The following COG6 variants were observed in gnomAD, a reference collection of about 807,000 sequenced individuals.
COG6 encodes component of oligomeric golgi complex 6.
In COG6, 74 loss-of-function variants were observed where a neutral mutation model predicts 88.8. The ratio of observed to expected loss-of-function variants is 0.83; its 90% CI spans 0.69 to 1.01. COG6 has a LOEUF of 1.01. COG6 is among the 50% of genes least tolerant of loss of function. The pLI is 0.00. For missense variants in COG6, 800 were observed against 797.9 expected, an observed-to-expected ratio of 1.00 and a Z score of -0.03; for synonymous variants, 286 against 278.7, an observed-to-expected ratio of 1.03 and a Z score of -0.26.
rs900604560 is a variant in COG6, at chr13:39,782,767, C to T, written c.1827-5568C>T. Among the ~76,000 whole-genome samples the T allele has an allele frequency of 3.3e-5, 5 of 152,180 alleles. 1 individual carries two copies. The highest frequency in any genetic ancestry group is 3.3e-4 in the Admixed American group (5 of 15,274). ...GCCTTCTTAGGGGCAGCACCTAGACCACGGTGCTCAGGGGGGAACAGCATG... is the reference window on the plus strand; with the variant it reads ...GCCTTCTTAGGGGCAGCACCTAGACTACGGTGCTCAGGGGGGAACAGCATG... On this transcript the variant is annotated intron_variant, in intron 18 of 18. Transcript: ENST00000416691.
chr13:39,657,530 G>GTT (rs35439076), intron 1 of COG6, among the ~76,000 whole-genome samples: 86 of 149,212 alleles, frequency 5.8e-4, no homozygotes, highest in Middle Eastern at 3.4e-3. Context: ...CACTTCATGG[G>GTT]TTTTTTTTTT....
Position 39,751,700 on chromosome 13 carries a change from G to A in COG6, c.*607G>A. 2.3e-6 allele frequency: 3 copies of A among 1,286,788 alleles called. No homozygotes were observed. In the South Asian group the frequency reaches 3.7e-5, roughly 16 times the overall value. The allele number at this position is 1,286,788 out of a possible 1,614,324, so 79.7% of individuals were successfully genotyped here. A position where few individuals can be genotyped will look rare whatever the true frequency, so the allele number is the denominator to read the frequency against. On this transcript the variant is annotated 3_prime_UTR_variant, in exon 19 of 19. Transcript: ENST00000455146. ...TAGCATACTATATATATTTGACTGT[G>A]TACATTCTTATGCAATTTTAAGTAT...
chr13:39,678,293 T>TC (rs1876097077), intron 5 of COG6: 1 of 302,516 alleles, frequency 3.3e-6, no homozygotes, highest in Non-Finnish European at 6.4e-6. Flanking sequence ...AGGCTGGTCT[T>TC]AAACTCCTGA....
chr13:39,718,630 G>A (rs919532798), intron 13 of COG6, among the ~76,000 whole-genome samples: 1 of 152,064 alleles, frequency 6.6e-6, no homozygotes, highest in African/African-American at 2.4e-5. Flanking sequence ...CAACTAGTAA[G>A]TGATAGATCC....
chr13:39,683,609 C>A (rs552427600), intron 8 of COG6, among the ~76,000 whole-genome samples: 2 of 152,292 alleles, frequency 1.3e-5, no homozygotes, highest in South Asian at 2.1e-4. Flanking sequence ...TTTAAAATTT[C>A]TTTCCCAACT....
chr13:39,778,412 C>T (rs78389217), intron 18 of COG6, among the ~76,000 whole-genome samples: 2,042 of 152,288 alleles, frequency 0.013, 51 homozygotes, highest in African/African-American at 0.046. Context: ...TTATTGATTT[C>T]TAAGTGTCTA....
chr13:39,757,522 A>G (rs1443001159), downstream of COG6, among the ~76,000 whole-genome samples: 1 of 152,114 alleles, frequency 6.6e-6, no homozygotes, highest in African/African-American at 2.4e-5. Context: ...CCAAAAGTTA[A>G]TTCTCTGAAA....
intron 18 of COG6, among the ~76,000 whole-genome samples, chr13:39,730,174 A>G (rs551234145): frequency 6.6e-6 from 1 of 152,232 alleles, no homozygotes; most frequent in South Asian, 2.1e-4. Flanking sequence ...ATTTTATGAT[A>G]TGTGCCTAAC....
At chr13:39,739,287 T>A (rs1286768179) in intron 18 of COG6, among the ~76,000 whole-genome samples, 1 of 152,190 alleles carries the variant, frequency 6.6e-6, no homozygotes, top group East Asian at 1.9e-4. Flanking sequence ...TAACTTAAGC[T>A]ACCCTATTTT....
exon 19 of COG6, chr13:39,788,788 C>T (rs1380316844): frequency 6.4e-6 from 1 of 157,162 alleles, no homozygotes; most frequent in African/African-American, 2.4e-5. Context: ...AAAGTAAGCC[C>T]TAAAAATCCA....
downstream of COG6, among the ~76,000 whole-genome samples, chr13:39,755,581 T>C (rs780220469): frequency 3.9e-5 from 6 of 152,212 alleles, no homozygotes; most frequent in Non-Finnish European, 7.3e-5. Flanking sequence ...TGAAAAGCTC[T>C]TACGTATTTC....
At position 39,659,351 on chromosome 13, in the gene COG6, A is replaced by C. The variant is rs1330357728; in HGVS notation, c.154-13A>C. 1 of 1,612,652 alleles carries C rather than the reference A, an allele frequency of 6.2e-7. No homozygotes were observed. On this transcript the variant is annotated splice_polypyrimidine_tract_variant and intron_variant, in intron 1 of 18. Coordinates refer to ENST00000455146, the MANE Select transcript of COG6 (RefSeq NM_020751.3). ...TTAGTTCCAGTAACTGTCTTCTGTT[A>C]CCAATTGTATAGGAGATGTTAGAAG...
chr13:39,732,940 T>G (rs535540757), intron 18 of COG6, among the ~76,000 whole-genome samples: 66 of 151,914 alleles, frequency 4.3e-4, no homozygotes, highest in African/African-American at 1.6e-3. Flanking sequence ...AAGAGAAAAA[T>G]TTTTAAAGAC....
intron 1 of COG6, among the ~76,000 whole-genome samples, chr13:39,658,688 G>A (rs1415437790): frequency 6.6e-6 from 1 of 152,078 alleles, no homozygotes; most frequent in Admixed American, 6.6e-5. Context: ...CCACTTTAGG[G>A]TCTTTGTACT....
At chr13:39,710,905 A>G (rs949184307) in intron 13 of COG6, among the ~76,000 whole-genome samples, 31 of 151,940 alleles carry the variant, frequency 2.0e-4, no homozygotes, top group African/African-American at 6.8e-4. Flanking sequence ...TTTACCATAT[A>G]ATGCTAATTT....
intron 16 of COG6, 131 bp from the exon 17 acceptor site, chr13:39,724,377 C>A: frequency 3.0e-6 from 2 of 677,850 alleles, no homozygotes; most frequent in Non-Finnish European, 5.2e-6. Context: ...CACTTGAGTT[C>A]TTTGGAAATA....
chr13:39,781,077 T>A (rs945910521), intron 18 of COG6, among the ~76,000 whole-genome samples: 1 of 152,202 alleles, frequency 6.6e-6, no homozygotes, highest in Non-Finnish European at 1.5e-5. Context: ...CTAAATCTCT[T>A]TCACAACTCC....
At chr13:39,710,488 A>T (rs562690846) in intron 13 of COG6, among the ~76,000 whole-genome samples, 8 of 152,132 alleles carry the variant, frequency 5.3e-5, no homozygotes, top group African/African-American at 1.7e-4. Context: ...TTTGGAAGAA[A>T]GGAGACCACT....
intron 18 of COG6, 103 bp from the exon 19 acceptor site, chr13:39,750,843 A>T: frequency 2.4e-6 from 2 of 833,622 alleles, no homozygotes; most frequent in South Asian, 1.5e-5. Context: ...TGTGATGATA[A>T]TGAAAATGAA....
Sources: gnomAD v4.1 joint callset for allele counts (sites outside exome capture counted in the v4.1 genomes callset) on GRCh38, gnomAD v4.1.1 for gene constraint, MANE v1.5 for transcripts, NCBI Gene and HGNC (gene_info 2026-07-23, HGNC 2026-07-21) for gene names.